RHBDL1: variants seen among roughly 807,000 people sequenced by gnomAD.
The protein encoded by RHBDL1 is rhomboid-related protein 1.
Under a neutral mutation model 34.0 loss-of-function variants are expected in RHBDL1, and 21 were observed. The observed-to-expected ratio is 0.62, with a 90% CI of 0.44 to 0.89. RHBDL1 has a LOEUF of 0.89. RHBDL1 is among the 40% of genes least tolerant of loss of function. The pLI is 0.00. For missense variants in RHBDL1, 450 were observed against 530.6 expected (o/e 0.85, Z 1.49); for synonymous variants, 268 against 234.8 (o/e 1.14, Z -1.29).
In RHBDL1 at chr16:677,534, C is replaced by T. The variant is rs1430163480; in HGVS notation, c.764C>T (p.Ser255Leu). The T allele has an allele frequency of 6.2e-6, 10 of 1,610,030 alleles. No individual in the cohort carries two copies. Among genetic ancestry groups the T allele is most frequent in the African/African-American group, 1.3e-5 (1 of 75,038 alleles). ...TCCGGCGGGGTCTACGCCCTGTGCT[C>T]GGCACACCTGGCCAACGTTGTCATG... ...GGSGGVYALCSAHLANVVMNW... is the reference protein window; with the variant it reads ...GGSGGVYALCLAHLANVVMNW... Residue 255 changes from serine (S) to leucine (L), a missense_variant, in exon 6 of 8, where the codon TCG becomes TTG. By Grantham distance (145) the Ser-to-Leu change is moderately radical. Coordinates refer to ENST00000352681, the MANE Select transcript of RHBDL1 (RefSeq NM_001278720.2).
At position 677,470 on chromosome 16, in the gene RHBDL1, G is replaced by A. The variant is rs752384192; in HGVS notation, c.700G>A (p.Val234Ile). 2.5e-6 allele frequency: 4 copies of A among 1,607,162 alleles called. No homozygotes were observed. The highest frequency in any genetic ancestry group is 1.1e-5 in the South Asian group (1 of 90,746). ...GCTTGCTCACACAGGCTCCCTAACC[G>A]TCTCCATCACCGACATGCGGGCCCC... is the stretch of plus-strand genomic sequence containing the variant. ...LAGVLAGSLT[V>I]SITDMRAPVV... Residue 234 changes from valine to isoleucine, a missense_variant, in exon 6 of 8, where the codon GTC becomes ATC. Val to Ile is a conservative substitution (Grantham distance 29, BLOSUM62 3). Transcript: ENST00000352681.
Position 677,830 on chromosome 16 carries a change from G to T in RHBDL1, c.900G>T (p.Leu300=). 6.3e-7 allele frequency: 1 copy of T among 1,582,512 alleles called. No homozygotes were observed. ...TGTGGCTGCGCTTCTCCCCGCCGCT[G>T]CCCGCCTCGGGCCCACAGCCCAGCT... ...RAVWLRFSPP[L]PASGPQPSFM... is the part of the protein sequence containing the mutation. The change falls in exon 8 of 8, where the codon CTG becomes CTT. Residue 300 remains leucine (L), a synonymous_variant. Coordinates refer to ENST00000352681, the MANE Select transcript of RHBDL1 (RefSeq NM_001278720.2).
At position 676,080 on chromosome 16, in the gene RHBDL1, A is replaced by G; in HGVS notation, c.39+251A>G. On this transcript the variant is annotated intron_variant, in intron 1 of 7. Transcript: ENST00000352681. The surrounding 1 kb of genome is among the most constrained non-coding windows in gnomAD (Gnocchi z 6.9). ...AGGGCGGGCAGCTGGCTGGTCTTGG[A>G]CCTTGGCCCTCGCTTTCCAGGATGG... The G allele has an allele frequency of 6.9e-7, 1 of 1,442,728 alleles. No homozygotes were observed. Among genetic ancestry groups the G allele is most frequent in the Non-Finnish European group, 9.1e-7 (1 of 1,094,360 alleles). The allele number at this position is 1,442,728 out of a possible 1,614,324, so 89.4% of individuals were successfully genotyped here. A position where few individuals can be genotyped will look rare whatever the true frequency, so the allele number is the denominator to read the frequency against.
Position 676,294 on chromosome 16 carries a change from C to A in RHBDL1, c.40-42C>A, listed in dbSNP as rs1021135609. 2.5e-6 allele frequency: 4 copies of A among 1,592,816 alleles called. No individual in the cohort carries two copies. The highest frequency in any genetic ancestry group is 1.7e-5 in the Admixed American group (1 of 57,432). ...TGGCCCAGCCCTTTGGTCCAGGGGT[C>A]GGGCCCGCACTCAGGCCTTGGCTGG... On this transcript the variant is annotated intron_variant, in intron 1 of 7. Coordinates refer to ENST00000352681, the MANE Select transcript of RHBDL1 (RefSeq NM_001278720.2). The surrounding 1 kb of genome is among the most constrained non-coding windows in gnomAD (Gnocchi z 6.9).
chr16:676,048 GGGA>G lies in RHBDL1; in HGVS notation c.39+222_39+224del. 4 of 1,435,238 alleles carry G rather than the reference GGGA, an allele frequency of 2.8e-6. No homozygotes were observed. The highest frequency in any genetic ancestry group is 3.7e-6 in the Non-Finnish European group (4 of 1,089,504). The allele number at this position is 1,435,238 out of a possible 1,614,324, so 88.9% of individuals were successfully genotyped here. ...AGAGTCGGGGGGAGGGAGGGAGGGAGGGAGGGAGGGCGGGCAGCTGGCTGGTCT... is the reference window on the plus strand; with the variant it reads ...AGAGTCGGGGGGAGGGAGGGAGGGAGGGGAGGGCGGGCAGCTGGCTGGTCT... On this transcript the variant is annotated intron_variant, in intron 1 of 7. Transcript: ENST00000352681. The surrounding 1 kb of genome is among the most constrained non-coding windows in gnomAD (Gnocchi z 6.9).
Position 677,664 on chromosome 16 carries a change from A to G in RHBDL1, c.815A>G (p.Tyr272Cys), listed in dbSNP as rs1224452108. ...AACTGGGCTGGGATGAGATGTCCCTACAAGTTGCTGAGGATGGTGCTGGCC... is the reference window on the plus strand; with the variant it reads ...AACTGGGCTGGGATGAGATGTCCCTGCAAGTTGCTGAGGATGGTGCTGGCC... ...VMNWAGMRCP[Y>C]KLLRMVLALV... The change falls in exon 7 of 8, where the codon TAC (tyrosine) becomes TGC (cysteine). Residue 272 changes from tyrosine to cysteine, a missense_variant. Transcript: ENST00000352681. 5 of 1,562,244 alleles carry G rather than the reference A, an allele frequency of 3.2e-6. No homozygotes were observed. Among genetic ancestry groups the G allele is most frequent in the Non-Finnish European group, 4.3e-6 (5 of 1,151,586 alleles).
rs1258507722 is a variant in RHBDL1, at chr16:676,901, G to GC, written c.426+11dup. 22 of 1,611,334 alleles carry GC rather than the reference G, an allele frequency of 1.4e-5. No homozygotes were observed. The highest frequency in any genetic ancestry group is 1.9e-5 in the Non-Finnish European group (22 of 1,179,260). On this transcript the variant is annotated splice_donor_region_variant and intron_variant, in intron 3 of 7. Coordinates refer to ENST00000352681, the MANE Select transcript of RHBDL1 (RefSeq NM_001278720.2). The surrounding 1 kb of genome is among the most constrained non-coding windows in gnomAD (Gnocchi z 6.9). Reference sequence around the variant, plus strand: ...GCCTCGGTCACTCTTGCCCAGGTGGGCCCCCCGGCCGCTGCCCCGGGAGCC... The same window carrying GC: ...GCCTCGGTCACTCTTGCCCAGGTGGGCCCCCCCGGCCGCTGCCCCGGGAGCC...
Position 678,188 on chromosome 16 carries a change from C to T in RHBDL1, c.*136C>T, listed in dbSNP as rs1374643316. 5.8e-6 allele frequency: 8 copies of T among 1,389,476 alleles called. No homozygotes were observed. The highest frequency in any genetic ancestry group is 3.4e-5 in the Admixed American group (1 of 29,718). 86.1% of individuals were successfully genotyped at this position (1,389,476 alleles called of 1,614,324 possible). A position where few individuals can be genotyped will look rare whatever the true frequency, so the allele number is the denominator to read the frequency against. On this transcript the variant is annotated 3_prime_UTR_variant, in exon 8 of 8. Coordinates refer to ENST00000352681, the MANE Select transcript of RHBDL1 (RefSeq NM_001278720.2). Reference sequence around the variant, plus strand: ...GGGTGTGGGTGGCCTCAAAGGAGGCCCTGTCCCAGCCACCCACCCCCCACT... The same window carrying T: ...GGGTGTGGGTGGCCTCAAAGGAGGCTCTGTCCCAGCCACCCACCCCCCACT...
chr16:677,023 C>G lies in RHBDL1; in HGVS notation c.479C>G (p.Thr160Ser), dbSNP rs1482587647. Residue 160 changes from threonine (T) to serine (S), a missense_variant, in exon 4 of 8, where the codon ACC (threonine) becomes AGC (serine). Physicochemically the swap from Thr to Ser is moderately conservative, Grantham distance 58 (BLOSUM62 1). Coordinates refer to ENST00000352681, the MANE Select transcript of RHBDL1 (RefSeq NM_001278720.2). ...GARLNKWVLQ[T>S]YHPEYMKSPL... is the part of the protein sequence containing the mutation. ...CGCCTCAACAAGTGGGTGCTGCAGA[C>G]CTACCACCCCGAGTACATGAAGAGC... 4.3e-6 allele frequency: 7 copies of G among 1,612,794 alleles called. No individual in the cohort carries two copies. In the African/African-American group the frequency reaches 8.0e-5, roughly 18 times the overall value.
Position 677,542 on chromosome 16 carries a change from C to T in RHBDL1, c.772C>T (p.Leu258=), listed in dbSNP as rs569644937. ...GGTCTACGCCCTGTGCTCGGCACAC[C>T]TGGCCAACGTTGTCATGGTAACGGG... The part of the protein sequence containing the change: ...GGVYALCSAH[L]ANVVMNWAGM... The change falls in exon 6 of 8, where the codon CTG becomes TTG. Residue 258 remains leucine (L), a synonymous_variant. Transcript: ENST00000352681. 8.7e-6 allele frequency: 14 copies of T among 1,610,242 alleles called. No homozygotes were observed. Among genetic ancestry groups the T allele is most frequent in the East Asian group, 2.2e-5 (1 of 44,860 alleles).
At position 676,594 on chromosome 16, in the gene RHBDL1, T is replaced by C. The variant is rs2039548503; in HGVS notation, c.202-78T>C. Reference sequence around the variant, plus strand: ...CGGCGGTGGGTGGGGGGCTTGTGGATGCGGGGAGCTGGGTGAGCCTCACAG... The same window carrying C: ...CGGCGGTGGGTGGGGGGCTTGTGGACGCGGGGAGCTGGGTGAGCCTCACAG... On this transcript the variant is annotated intron_variant, in intron 2 of 7. Coordinates refer to ENST00000352681, the MANE Select transcript of RHBDL1 (RefSeq NM_001278720.2). This position sits in a 1 kb window ranked among gnomAD's most constrained non-coding sequence, Gnocchi z 6.9. The C allele has an allele frequency of 6.3e-7, 1 of 1,580,566 alleles. No individual in the cohort carries two copies. Among genetic ancestry groups the C allele is most frequent in the African/African-American group, 1.3e-5 (1 of 74,162 alleles).
In RHBDL1 at chr16:676,497, G is replaced by A. The variant is rs2039546614; in HGVS notation, c.201G>A (p.Leu67=). 3 of 1,588,152 alleles carry A rather than the reference G, an allele frequency of 1.9e-6. No individual in the cohort carries two copies. Among genetic ancestry groups the A allele is most frequent in the East Asian group, 2.2e-5 (1 of 44,490 alleles). The part of the protein sequence containing the change: ...GQVCYQELVD[L]ISSKRSSSFK... ...TCTGCTACCAGGAGCTGGTGGACCT[G>A]GTCAGTGCCACGGTGGGCAGGCGGC... Residue 67 remains leucine, a splice_region_variant and synonymous_variant, in exon 2 of 8, where the codon CTG becomes CTA. Coordinates refer to ENST00000352681, the MANE Select transcript of RHBDL1 (RefSeq NM_001278720.2). The surrounding 1 kb of genome is among the most constrained non-coding windows in gnomAD (Gnocchi z 6.9).
chr16:677,065 C>T lies in RHBDL1; in HGVS notation c.521C>T (p.Pro174Leu). ...ATGAAGAGCCCCCTTGTGTACCACC[C>T]CGGGCACCGTGCCCGCGCCTGGCGC... is the stretch of plus-strand genomic sequence containing the variant. ...EYMKSPLVYH[P>L]GHRARAWRFL... The change falls in exon 4 of 8, where the codon CCC (proline) becomes CTC (leucine). Residue 174 changes from proline (P) to leucine (L), a missense_variant. Coordinates refer to ENST00000352681, the MANE Select transcript of RHBDL1 (RefSeq NM_001278720.2). 1 of 1,612,892 alleles carries T rather than the reference C, an allele frequency of 6.2e-7. No homozygotes were observed.
rs1227127464 is a variant in RHBDL1 at position 676,219 on chromosome 16, C to T, written c.40-117C>T. On this transcript the variant is annotated intron_variant, in intron 1 of 7. Coordinates refer to ENST00000352681, the MANE Select transcript of RHBDL1 (RefSeq NM_001278720.2). The surrounding 1 kb of genome is among the most constrained non-coding windows in gnomAD (Gnocchi z 6.9). ...TCCCAGGGAACAGACAGGCACGGGG[C>T]CCCTGTCCCAAAAGTGCTGGGAGCC... The T allele has an allele frequency of 8.4e-6, 13 of 1,542,766 alleles. No individual in the cohort carries two copies. Among genetic ancestry groups the T allele is most frequent in the East Asian group, 2.4e-5 (1 of 41,122 alleles).
At position 676,657 on chromosome 16, in the gene RHBDL1, G is replaced by T. The variant is rs751254948; in HGVS notation, c.202-15G>T. 1 of 1,609,234 alleles carries T rather than the reference G, an allele frequency of 6.2e-7. No homozygotes were observed. The highest frequency in any genetic ancestry group is 8.5e-7 in the Non-Finnish European group (1 of 1,178,978). The stretch of plus-strand genomic sequence containing the variant: ...TGGGGAGGTCCGTGGCCCACACTCA[G>T]GCCCCTGCCCCCAGATCAGCAGCAA... On this transcript the variant is annotated splice_polypyrimidine_tract_variant and intron_variant, in intron 2 of 7. Coordinates refer to ENST00000352681, the MANE Select transcript of RHBDL1 (RefSeq NM_001278720.2). This position sits in a 1 kb window ranked among gnomAD's most constrained non-coding sequence, Gnocchi z 6.9.
Position 675,725 on chromosome 16 carries a change from C to T in RHBDL1, c.-66C>T. The T allele has an allele frequency of 3.0e-6, 3 of 996,278 alleles. No homozygotes were observed. Among genetic ancestry groups the T allele is most frequent in the South Asian group, 3.9e-5 (2 of 50,724 alleles). 61.7% of individuals were successfully genotyped at this position (996,278 alleles called of 1,614,324 possible). On this transcript the variant is annotated 5_prime_UTR_variant, in exon 1 of 8. Transcript: ENST00000352681. Reference sequence around the variant, plus strand: ...CGGGCCGGCTGGGGCGGAGCGGAGTCGTCCGCAGAGCAGCCCCTCCCGGCC... The same window carrying T: ...CGGGCCGGCTGGGGCGGAGCGGAGTTGTCCGCAGAGCAGCCCCTCCCGGCC...
intron 4 of RHBDL1, 42 bp from the exon 5 acceptor site, chr16:677,234 G>A: frequency 6.4e-7 from 1 of 1,553,820 alleles, no homozygotes; most frequent in Non-Finnish European, 8.7e-7. Flanking sequence ...GGGCCGGATG[G>A]CTGACCCCAC....
chr16:675,863 G>GC, intron 1 of RHBDL1, 34 bp downstream of exon 1: 2 of 1,491,346 alleles, frequency 1.3e-6, no homozygotes, highest in African/African-American at 2.8e-5. Flanking sequence ...AGCTGGCACC[G>GC]CCCCCAATGC....
In RHBDL1 at chr16:676,288, A is replaced by G. The variant is rs991633170; in HGVS notation, c.40-48A>G. ...CCAGCCTGGCCCAGCCCTTTGGTCC[A>G]GGGGTCGGGCCCGCACTCAGGCCTT... On this transcript the variant is annotated intron_variant, in intron 1 of 7. Transcript: ENST00000352681. The surrounding 1 kb of genome is among the most constrained non-coding windows in gnomAD (Gnocchi z 6.9). 1.3e-6 allele frequency: 2 copies of G among 1,587,886 alleles called. No homozygotes were observed. Among genetic ancestry groups the G allele is most frequent in the Non-Finnish European group, 1.7e-6 (2 of 1,167,804 alleles).
Sources: allele counts gnomAD v4.1 joint callset, GRCh38; gene constraint gnomAD v4.1.1; non-coding constraint Gnocchi (gnomAD v3.1); transcripts MANE v1.5; gene names NCBI Gene and HGNC (gene_info 2026-07-23, HGNC 2026-07-21).